Variants in AKR1B10 observed in about 807,000 individuals in gnomAD.
AKR1B10 encodes aldo-keto reductase family 1 member B10, also known as ARP.
Under a neutral mutation model 38.9 loss-of-function variants are expected in AKR1B10, and 39 were observed. The ratio of observed to expected loss-of-function variants is 1.00; its 90% CI spans 0.78 to 1.31. The LOEUF (loss-of-function observed/expected upper bound fraction) is 1.31, where lower values mean the gene tolerates loss of function less well. Ranked by LOEUF, AKR1B10 falls within the 50% of genes most tolerant of loss-of-function variation. AKR1B10 has a pLI of 0.00. For synonymous variants in AKR1B10, 148 were observed against 141.2 expected (o/e 1.05, Z -0.34); for missense variants, 361 against 382.6 (o/e 0.94, Z 0.47).
intron 9 of AKR1B10, among the ~76,000 whole-genome samples, chr7:134,540,613 G>A (rs562046111): frequency 2.4e-4 from 36 of 152,232 alleles, no homozygotes; most frequent in African/African-American, 7.5e-4. Context: ...AATACTAATC[G>A]CAGCTAACAT....
intron 1 of AKR1B10, 102 bp downstream of exon 1, chr7:134,528,079 T>G: frequency 2.7e-6 from 4 of 1,456,952 alleles, no homozygotes; most frequent in Non-Finnish European, 2.8e-6. Context: ...GGGCAGGGGT[T>G]GGAGAGGTAA....
chr7:134,536,928 A>C (rs1808024850), intron 5 of AKR1B10, 123 bp from the exon 6 acceptor site: 1 of 1,581,352 alleles, frequency 6.3e-7, no homozygotes, highest in South Asian at 1.2e-5. Context: ...GTGATTTAGC[A>C]AGTATCTCAG....
Position 134,537,583 on chromosome 7 carries a change from C to G in AKR1B10, c.663C>G (p.Ala221=). 1 of 1,613,750 alleles carries G rather than the reference C, an allele frequency of 6.2e-7. No homozygotes were observed. The highest frequency in any genetic ancestry group is 1.1e-5 in the South Asian group (1 of 91,066). ...SPLGSPDRPW[A]KPEDPSLLED... is the part of the protein sequence containing the mutation. ...ATCAGCATCTTTCTGCCCCTAGGGCCAAGCCAGAAGACCCTTCCCTGCTGG... is the reference window on the plus strand; with the variant it reads ...ATCAGCATCTTTCTGCCCCTAGGGCGAAGCCAGAAGACCCTTCCCTGCTGG... The change falls in exon 7 of 10, where the codon GCC becomes GCG. Residue 221 remains alanine, a synonymous_variant. Coordinates refer to ENST00000359579, the MANE Select transcript of AKR1B10 (RefSeq NM_020299.5).
At chr7:134,537,755 G>C in intron 7 of AKR1B10, 94 bp downstream of exon 7, 3 of 1,473,530 alleles carry the variant, frequency 2.0e-6, no homozygotes. Flanking sequence ...TCCTTAAAGG[G>C]GAAGAATATA....
chr7:134,538,923 C>T lies in AKR1B10; in HGVS notation c.826-12C>T, dbSNP rs369688998. On this transcript the variant is annotated splice_polypyrimidine_tract_variant and intron_variant, in intron 8 of 9. Coordinates refer to ENST00000359579, the MANE Select transcript of AKR1B10 (RefSeq NM_020299.5). ...CCTTACTGATGATGTATTGGAACTC[C>T]TACCTTTCCAGGTCTTTGACTTTAA... 62 of 1,613,914 alleles carry T rather than the reference C, an allele frequency of 3.8e-5. No homozygotes were observed. The highest frequency in any genetic ancestry group is 5.2e-5 in the Non-Finnish European group (61 of 1,179,968).
At chr7:134,539,963 C>T (rs979846193) in intron 9 of AKR1B10, among the ~76,000 whole-genome samples, 1 of 151,992 alleles carries the variant, frequency 6.6e-6, no homozygotes, top group Non-Finnish European at 1.5e-5. Flanking sequence ...CGTGGTGGCC[C>T]ACGGCTGTGA....
intron 7 of AKR1B10, 40 bp from the exon 8 acceptor site, chr7:134,538,154 T>C (rs773647281): frequency 6.4e-6 from 10 of 1,572,058 alleles, no homozygotes; most frequent in Non-Finnish European, 7.9e-6. Flanking sequence ...GGAGGGGTCT[T>C]TGGAGCTGAG....
intron 4 of AKR1B10, among the ~76,000 whole-genome samples, chr7:134,534,174 T>G (rs1386114913): frequency 2.0e-5 from 3 of 152,164 alleles, no homozygotes; most frequent in African/African-American, 7.2e-5. Flanking sequence ...CAGGCTGGAG[T>G]GCAGTGGCAC....
intron 9 of AKR1B10, among the ~76,000 whole-genome samples, chr7:134,540,391 A>C (rs568266053): frequency 2.7e-3 from 68 of 24,828 alleles, no homozygotes; most frequent in African/African-American, 0.011. Context: ...GGGTGAACGT[A>C]AAGTGGGACT....
chr7:134,528,068 C>A, intron 1 of AKR1B10, 91 bp downstream of exon 1: 1 of 1,517,152 alleles, frequency 6.6e-7, no homozygotes, highest in South Asian at 1.2e-5. Context: ...GCCTGGAGGT[C>A]GGGCAGGGGT....
At chr7:134,528,188 T>G (rs1024230643) in intron 1 of AKR1B10, among the ~76,000 whole-genome samples, 2 of 152,238 alleles carry the variant, frequency 1.3e-5, no homozygotes, top group Non-Finnish European at 2.9e-5. Context: ...TGATGAGAGC[T>G]TCTCTAGCAA....
At position 134,533,093 on chromosome 7, in the gene AKR1B10, G is replaced by A. The variant is rs1459762415; in HGVS notation, c.429+12G>A. 3 of 1,586,554 alleles carry A rather than the reference G, an allele frequency of 1.9e-6. No individual in the cohort carries two copies. The highest frequency in any genetic ancestry group is 2.6e-6 in the Non-Finnish European group (3 of 1,169,160). On this transcript the variant is annotated intron_variant, in intron 4 of 9. Transcript: ENST00000359579. ...TGGATGCCTGGGAGGTAGGTTCCCA[G>A]CTTCCTCTAAGTGTGCTGGGAGAGA... is the stretch of plus-strand genomic sequence containing the variant.
chr7:134,532,093 G>A, intron 3 of AKR1B10, 69 bp downstream of exon 3: 3 of 1,584,118 alleles, frequency 1.9e-6, no homozygotes, highest in African/African-American at 1.3e-5. Flanking sequence ...CTGCACCAGG[G>A]CTGTGGGGTG....
chr7:134,532,452 T>C (rs1371530976), intron 3 of AKR1B10, among the ~76,000 whole-genome samples: 2 of 152,056 alleles, frequency 1.3e-5, no homozygotes, highest in Non-Finnish European at 2.9e-5. Flanking sequence ...AGCCCAAGTA[T>C]GGTGATGCTG....
intron 3 of AKR1B10, 98 bp downstream of exon 3, chr7:134,532,122 G>T: frequency 1.4e-6 from 2 of 1,425,130 alleles, no homozygotes; most frequent in Non-Finnish European, 2.0e-6. Flanking sequence ...TGGGGCAGGA[G>T]GCCTTGCATT....
rs560038027 is a variant in AKR1B10 at position 134,527,809 on chromosome 7, G to T, written c.-103G>T. On this transcript the variant is annotated 5_prime_UTR_variant, in exon 1 of 10. Transcript: ENST00000359579. ...TGTAGTGAGCTGAGATCGCACCACT[G>T]CACTCTAGCCTTGGCAACAGTGCAA... is the stretch of plus-strand genomic sequence containing the variant. 7.0e-5 allele frequency: 108 copies of T among 1,548,180 alleles called. 1 individual carries two copies. The Middle Eastern group carries it at 1.4e-3, about 20-fold the overall frequency.
intron 8 of AKR1B10, among the ~76,000 whole-genome samples, chr7:134,538,624 G>C (rs567517756): frequency 2.1e-4 from 32 of 152,280 alleles, no homozygotes; most frequent in African/African-American, 7.2e-4. Flanking sequence ...AGCAGAGGAG[G>C]TGTGAACTGT....
chr7:134,535,704 A>G (rs1196565737), intron 4 of AKR1B10: 2 of 975,458 alleles, frequency 2.1e-6, no homozygotes, highest in Non-Finnish European at 2.4e-6. Flanking sequence ...GACTCTGTCT[A>G]TGCCGCTGTG....
At chr7:134,528,411 A>G (rs1232614339) in intron 1 of AKR1B10, among the ~76,000 whole-genome samples, 2 of 152,076 alleles carry the variant, frequency 1.3e-5, no homozygotes, top group Admixed American at 6.6e-5. Flanking sequence ...CAGCATCCCT[A>G]TGACCTGGAA....
Sources: allele counts gnomAD v4.1 joint callset (sites outside exome capture counted in the v4.1 genomes callset), GRCh38; gene constraint gnomAD v4.1.1; transcripts MANE v1.5; gene names NCBI Gene and HGNC (gene_info 2026-07-23, HGNC 2026-07-21).